PLPPR1: variants seen among roughly 807,000 people sequenced by gnomAD.
PLPPR1 encodes the protein phospholipid phosphatase-related protein type 1.
PLPPR1 carries 10 observed loss-of-function variants against 33.1 expected under a neutral mutation model. The observed-to-expected ratio is 0.30, with a 90% CI of 0.19 to 0.51. The LOEUF is 0.51. Among genes scored for constraint, PLPPR1 ranks in the 20% least tolerant of loss-of-function variants. The pLI is 0.97. For synonymous variants in PLPPR1, 151 were observed against 151.0 expected, an observed-to-expected ratio of 1.00 and a Z score of 0.00; for missense variants, 304 against 408.1, an observed-to-expected ratio of 0.74 and a Z score of 2.20.
intron 1 of PLPPR1, among the ~76,000 whole-genome samples, chr9:101,035,191 C>A (rs1283600278): frequency 6.6e-6 from 1 of 152,074 alleles, no homozygotes; most frequent in Non-Finnish European, 1.5e-5. Context: ...TTACAACATT[C>A]CGTAGGAAAT....
At chr9:101,079,939 T>C (rs905778310) in intron 1 of PLPPR1, among the ~76,000 whole-genome samples, 5 of 152,358 alleles carry the variant, frequency 3.3e-5, no homozygotes, top group African/African-American at 1.2e-4. Flanking sequence ...TCTGGCATCT[T>C]TTAATTCTCC....
chr9:101,141,427 C>A (rs1298350793), intron 1 of PLPPR1, among the ~76,000 whole-genome samples: 1 of 152,056 alleles, frequency 6.6e-6, no homozygotes, highest in Non-Finnish European at 1.5e-5. Flanking sequence ...ACATTATTAC[C>A]AATGGAGGAT....
intron 1 of PLPPR1, among the ~76,000 whole-genome samples, chr9:101,118,151 T>C (rs1301936920): frequency 6.6e-6 from 1 of 152,056 alleles, no homozygotes; most frequent in Non-Finnish European, 1.5e-5. Flanking sequence ...AGGACAGAGA[T>C]GGGGAGGAAG....
intron 2 of PLPPR1, among the ~76,000 whole-genome samples, chr9:101,216,338 T>A (rs1157313865): frequency 6.6e-6 from 1 of 152,224 alleles, no homozygotes; most frequent in East Asian, 1.9e-4. Context: ...TTGAGAAATG[T>A]CAACTCTGAT....
intron 1 of PLPPR1, among the ~76,000 whole-genome samples, chr9:101,091,386 G>A (rs988773103): frequency 6.6e-6 from 1 of 152,176 alleles, no homozygotes; most frequent in Non-Finnish European, 1.5e-5. Context: ...CTGAGCCAAA[G>A]TCAAGATGTT....
At chr9:101,248,949 C>T (rs1224287613) in intron 2 of PLPPR1, among the ~76,000 whole-genome samples, 1 of 152,024 alleles carries the variant, frequency 6.6e-6, no homozygotes, top group African/African-American at 2.4e-5. Context: ...TAACATCTTC[C>T]TACCAAAATA....
chr9:101,049,873 C>A (rs953931395), intron 1 of PLPPR1, among the ~76,000 whole-genome samples: 1 of 151,384 alleles, frequency 6.6e-6, no homozygotes, highest in Non-Finnish European at 1.5e-5. Flanking sequence ...TGCCTGTAAT[C>A]CCAGCACTTT....
intron 2 of PLPPR1, among the ~76,000 whole-genome samples, chr9:101,196,348 A>C (rs1826392729): frequency 6.6e-6 from 1 of 152,240 alleles, no homozygotes; most frequent in African/African-American, 2.4e-5. Flanking sequence ...AATGTTTAGC[A>C]AAATTTTCAA....
chr9:101,228,304 T>G (rs933393495), intron 2 of PLPPR1, among the ~76,000 whole-genome samples: 1 of 152,154 alleles, frequency 6.6e-6, no homozygotes, highest in East Asian at 1.9e-4. Context: ...TGACCAAAGC[T>G]GTGGTTCAAA....
chr9:101,084,947 G>C (rs1830660133), intron 1 of PLPPR1, among the ~76,000 whole-genome samples: 1 of 152,182 alleles, frequency 6.6e-6, no homozygotes, highest in African/African-American at 2.4e-5. Context: ...CACATAAGCA[G>C]AACTCCTCTC....
intron 1 of PLPPR1, among the ~76,000 whole-genome samples, chr9:101,034,958 C>T (rs1317831518): frequency 6.6e-6 from 1 of 152,052 alleles, no homozygotes; most frequent in Non-Finnish European, 1.5e-5. Flanking sequence ...GCTGGAAGTA[C>T]CTGCCAATAA....
At chr9:101,121,607 T>A (rs571816453) in intron 1 of PLPPR1, among the ~76,000 whole-genome samples, 2 of 152,226 alleles carry the variant, frequency 1.3e-5, no homozygotes, top group African/African-American at 4.8e-5. Flanking sequence ...TAAACCTACC[T>A]TAGCTTCATT....
intron 2 of PLPPR1, among the ~76,000 whole-genome samples, chr9:101,250,588 G>C (rs867284151): frequency 5.3e-5 from 8 of 151,854 alleles, no homozygotes; most frequent in Middle Eastern, 3.2e-3. Context: ...GCTCCTCATT[G>C]CTTCTTCCAG....
intron 1 of PLPPR1, among the ~76,000 whole-genome samples, chr9:101,043,706 T>TA (rs1278812666): frequency 6.6e-6 from 1 of 152,170 alleles, no homozygotes; most frequent in African/African-American, 2.4e-5. Flanking sequence ...TTTAGTTCTT[T>TA]AAGGAATCTC....
chr9:101,069,746 C>A (rs1325767645), intron 1 of PLPPR1, among the ~76,000 whole-genome samples: 1 of 152,124 alleles, frequency 6.6e-6, no homozygotes, highest in Admixed American at 6.6e-5. Context: ...ACGTCCCTAA[C>A]TGTCAGCATC....
At chr9:101,268,419 A>G (rs965141177) in intron 2 of PLPPR1, among the ~76,000 whole-genome samples, 2 of 152,172 alleles carry the variant, frequency 1.3e-5, no homozygotes, top group African/African-American at 4.8e-5. Flanking sequence ...CTGTGCTTCA[A>G]TGCTGTGGCT....
chr9:101,262,237 GTAT>G (rs1827912556), intron 2 of PLPPR1, among the ~76,000 whole-genome samples: 1 of 152,122 alleles, frequency 6.6e-6, no homozygotes, highest in South Asian at 2.1e-4. Context: ...AGGTACTATA[GTAT>G]TATTAACCCA....
At chr9:101,091,610 G>T (rs1457778649) in intron 1 of PLPPR1, among the ~76,000 whole-genome samples, 1 of 152,104 alleles carries the variant, frequency 6.6e-6, no homozygotes, top group Non-Finnish European at 1.5e-5. Flanking sequence ...CCATGATAAT[G>T]TAGGATAATC....
intron 1 of PLPPR1, among the ~76,000 whole-genome samples, chr9:101,176,078 C>A (rs545928876): frequency 1.3e-5 from 2 of 152,120 alleles, no homozygotes; most frequent in Admixed American, 1.3e-4. Flanking sequence ...CCAATAGGAG[C>A]GGACAAATAA....
Sources: gnomAD v4.1 joint callset for allele counts (sites outside exome capture counted in the v4.1 genomes callset) on GRCh38, gnomAD v4.1.1 for gene constraint, MANE v1.5 for transcripts, NCBI Gene and HGNC (gene_info 2026-07-23, HGNC 2026-07-21) for gene names.